Variants in SPTLC2 observed in about 807,000 individuals in gnomAD.
SPTLC2 encodes the protein serine palmitoyltransferase 2.
A neutral mutation model predicts 62.0 loss-of-function variants in SPTLC2; 21 were observed. The ratio of observed to expected loss-of-function variants is 0.34; its 90% CI spans 0.24 to 0.49. The LOEUF (loss-of-function observed/expected upper bound fraction) is 0.49, where lower values mean the gene tolerates loss of function less well. Among genes scored for constraint, SPTLC2 ranks in the 20% least tolerant of loss-of-function variants. The pLI, the probability that SPTLC2 is intolerant of heterozygous loss-of-function variation, is 0.99. For synonymous variants in SPTLC2, 261 were observed against 261.8 expected (o/e 1.00, Z 0.03); for missense variants, 511 against 713.0 (o/e 0.72, Z 3.23).
intron 9 of SPTLC2, among the ~76,000 whole-genome samples, chr14:77,539,778 CT>C (rs1377421406): frequency 2.0e-5 from 3 of 152,010 alleles, no homozygotes; most frequent in Non-Finnish European, 4.4e-5. Context: ...GCGTGAGCCA[CT>C]GTGCCCAGCC....
chr14:77,571,974 A>G (rs1392684661), intron 4 of SPTLC2, among the ~76,000 whole-genome samples: 2 of 46 alleles, frequency 0.043, no homozygotes, highest in Non-Finnish European at 0.091. Flanking sequence ...TTTTTAGTAG[A>G]GACAGGTTTC....
At chr14:77,612,858 G>C (rs547886577) in intron 1 of SPTLC2, among the ~76,000 whole-genome samples, 5 of 152,254 alleles carry the variant, frequency 3.3e-5, no homozygotes, top group African/African-American at 1.2e-4. Context: ...CTGTAAGCCA[G>C]AGAGCTCTCA....
chr14:77,615,914 T>C (rs1358854327), intron 1 of SPTLC2, among the ~76,000 whole-genome samples: 2 of 152,190 alleles, frequency 1.3e-5, no homozygotes, highest in Non-Finnish European at 2.9e-5. Context: ...TATGGACCAA[T>C]GTCCTGGTTG....
At chr14:77,522,779 T>G (rs2079390981) in intron 9 of SPTLC2, among the ~76,000 whole-genome samples, 1 of 152,230 alleles carries the variant, frequency 6.6e-6, no homozygotes, top group Non-Finnish European at 1.5e-5. Context: ...GCTGCAGTAA[T>G]TTTCATATAT....
chr14:77,606,427 T>C (rs1158438324), intron 1 of SPTLC2, among the ~76,000 whole-genome samples: 1 of 151,124 alleles, frequency 6.6e-6, no homozygotes, highest in Non-Finnish European at 1.5e-5. Context: ...AGTCTACATG[T>C]TCACCTTCTT....
intron 4 of SPTLC2, among the ~76,000 whole-genome samples, chr14:77,571,508 CAA>C (rs71128649): frequency 0.016 from 2,089 of 133,310 alleles, 55 homozygotes; most frequent in African/African-American, 0.054. Flanking sequence ...GACTCTGACT[CAA>C]AAAAAAAAAA....
chr14:77,606,279 A>G (rs1227131612), intron 1 of SPTLC2, among the ~76,000 whole-genome samples: 1 of 152,346 alleles, frequency 6.6e-6, no homozygotes, highest in South Asian at 2.1e-4. Context: ...GCAGTGAGCC[A>G]AAACCGCGTG....
intron 9 of SPTLC2, among the ~76,000 whole-genome samples, chr14:77,546,021 A>G (rs1292039245): frequency 6.6e-6 from 1 of 152,238 alleles, no homozygotes; most frequent in Non-Finnish European, 1.5e-5. Flanking sequence ...TGCCCAAAAG[A>G]GCTTTCATTT....
At chr14:77,531,212 CTTCA>C (rs2079436754) in intron 9 of SPTLC2, among the ~76,000 whole-genome samples, 1 of 152,190 alleles carries the variant, frequency 6.6e-6, no homozygotes, top group Non-Finnish European at 1.5e-5. Flanking sequence ...CAAAACAGTT[CTTCA>C]TTGTTTAGGC....
intron 9 of SPTLC2, among the ~76,000 whole-genome samples, chr14:77,548,986 A>G (rs909868462): frequency 2.6e-5 from 4 of 152,154 alleles, no homozygotes; most frequent in African/African-American, 9.7e-5. Context: ...ATCCAACAAT[A>G]ACAAAGTTTT....
intron 6 of SPTLC2, among the ~76,000 whole-genome samples, chr14:77,558,750 T>C (rs1446182835): frequency 2.0e-5 from 3 of 151,788 alleles, no homozygotes; most frequent in African/African-American, 7.3e-5. Context: ...GCCTCCTGAG[T>C]AGCTGGGATT....
intron 9 of SPTLC2, among the ~76,000 whole-genome samples, chr14:77,545,588 T>A (rs1429772753): frequency 6.6e-6 from 1 of 152,154 alleles, no homozygotes; most frequent in Non-Finnish European, 1.5e-5. Flanking sequence ...GTTCTTACTT[T>A]GAGCAGATTC....
At chr14:77,515,167 C>A (rs1246387206) in intron 11 of SPTLC2, among the ~76,000 whole-genome samples, 1 of 152,182 alleles carries the variant, frequency 6.6e-6, no homozygotes, top group African/African-American at 2.4e-5. Flanking sequence ...ATTACTGTAG[C>A]TTTGTAGTAA....
intron 1 of SPTLC2, among the ~76,000 whole-genome samples, chr14:77,601,014 C>T (rs2079874472): frequency 6.6e-6 from 1 of 152,124 alleles, no homozygotes; most frequent in Non-Finnish European, 1.5e-5. Context: ...TTCCATAAGA[C>T]TAAAATTGTC....
At chr14:77,600,716 T>C (rs1352550465) in intron 1 of SPTLC2, among the ~76,000 whole-genome samples, 2 of 152,194 alleles carry the variant, frequency 1.3e-5, no homozygotes, top group Non-Finnish European at 2.9e-5. Flanking sequence ...AGGAAAGATT[T>C]AGGAATATCA....
At chr14:77,581,405 CT>C (rs1159561282) in intron 2 of SPTLC2, among the ~76,000 whole-genome samples, 18,104 of 93,430 alleles carry the variant, frequency 0.19, 784 homozygotes, top group Middle Eastern at 0.32. Context: ...TACCATCTCT[CT>C]TTTTTTTTTT....
chr14:77,593,675 C>A (rs1045958338), intron 2 of SPTLC2, among the ~76,000 whole-genome samples: 1 of 152,120 alleles, frequency 6.6e-6, no homozygotes, highest in African/African-American at 2.4e-5. Flanking sequence ...TTCCTTACAT[C>A]AAAGAATTAA....
At chr14:77,568,680 C>T (rs1462592826) in intron 5 of SPTLC2, among the ~76,000 whole-genome samples, 1 of 151,684 alleles carries the variant, frequency 6.6e-6, no homozygotes, top group Non-Finnish European at 1.5e-5. Context: ...TGGTGGTGGG[C>T]GCCTGTAGTC....
Position 77,513,781 on chromosome 14 carries a change from G to A in SPTLC2, c.1570-1378C>T, listed in dbSNP as rs1055441927. ...GTGGTGGCACATGCCTGTAATCCCA[G>A]CTACTCGGGAGGCTGAGGCAGGAGA... On this transcript the variant is annotated intron_variant, in intron 11 of 11. Transcript: ENST00000216484. Among the ~76,000 whole-genome samples the A allele has an allele frequency of 2.6e-5, 4 of 151,888 alleles. No individual in the cohort carries two copies. The East Asian group carries it at 5.8e-4, about 22-fold the overall frequency.
Sources: gnomAD v4.1 joint callset for allele counts (sites outside exome capture counted in the v4.1 genomes callset) on GRCh38, gnomAD v4.1.1 for gene constraint, MANE v1.5 for transcripts, NCBI Gene and HGNC (gene_info 2026-07-23, HGNC 2026-07-21) for gene names.